NKAIN3: variants seen among roughly 807,000 people sequenced by gnomAD.
The protein encoded by NKAIN3 is sodium/potassium transporting ATPase interacting 3.
Under a neutral mutation model 30.2 loss-of-function variants are expected in NKAIN3, and 25 were observed. That is an observed-to-expected ratio of 0.83 (90% CI 0.60 to 1.16). The LOEUF (loss-of-function observed/expected upper bound fraction) is 1.16. NKAIN3 is among the 50% of genes most tolerant of loss of function. The pLI, the probability that NKAIN3 is intolerant of heterozygous loss-of-function variation, is 0.00. For missense variants in NKAIN3, 225 were observed against 254.1 expected (o/e 0.89, Z 0.78); for synonymous variants, 91 against 89.6 (o/e 1.02, Z -0.09).
chr8:62,693,260 T>C (rs1312625768), intron 3 of NKAIN3, among the ~76,000 whole-genome samples: 1 of 152,240 alleles, frequency 6.6e-6, no homozygotes, highest in Non-Finnish European at 1.5e-5. Flanking sequence ...TCAAGTCATA[T>C]ATAAGTAAAA....
chr8:62,604,167 T>A lies in NKAIN3; in HGVS notation c.273+14373T>A, dbSNP rs190931076. Among the ~76,000 whole-genome samples the A allele has an allele frequency of 2.8e-3, 424 of 152,124 alleles. 4 individuals are homozygous for A. The highest frequency in any genetic ancestry group is 9.3e-3 in the African/African-American group (385 of 41,516). On this transcript the variant is annotated intron_variant, in intron 3 of 6. Coordinates refer to ENST00000623646, the MANE Select transcript of NKAIN3 (RefSeq NM_001304533.3). The stretch of plus-strand genomic sequence containing the variant: ...AGTGAGAAAGTTACTAGAGTGAAGA[T>A]TGTCCAGAAGATGAGGCAGAACTGG...
chr8:62,988,969 A>G (rs971512656), downstream of NKAIN3, among the ~76,000 whole-genome samples: 7 of 152,152 alleles, frequency 4.6e-5, no homozygotes, highest in African/African-American at 1.7e-4. Flanking sequence ...TCAGTGTTCC[A>G]CAGATCTCTA....
intron 4 of NKAIN3, among the ~76,000 whole-genome samples, chr8:62,795,523 C>A (rs565336908): frequency 1.4e-4 from 21 of 152,230 alleles, no homozygotes; most frequent in Admixed American, 2.0e-4. Context: ...TAGATCCCAG[C>A]TCCAGAATTT....
intron 4 of NKAIN3, among the ~76,000 whole-genome samples, chr8:62,757,791 A>C (rs568785329): frequency 1.3e-5 from 2 of 152,358 alleles, no homozygotes; most frequent in Middle Eastern, 3.4e-3. Context: ...TATGAACAGA[A>C]GTAGTGGCTT....
intron 1 of NKAIN3, among the ~76,000 whole-genome samples, chr8:62,268,388 C>T (rs570086792): frequency 6.6e-6 from 1 of 152,246 alleles, no homozygotes; most frequent in Admixed American, 6.5e-5. Context: ...GGATCAATCC[C>T]TGTAAAATGG....
At chr8:62,993,468 A>G (rs1447262551) in intron 5 of NKAIN3, among the ~76,000 whole-genome samples, 1 of 152,232 alleles carries the variant, frequency 6.6e-6, no homozygotes, top group African/African-American at 2.4e-5. Context: ...TCCTCTGTGC[A>G]TGTTACAAAA....
At chr8:62,325,151 G>A (rs1815073677) in intron 1 of NKAIN3, among the ~76,000 whole-genome samples, 1 of 151,966 alleles carries the variant, frequency 6.6e-6, no homozygotes, top group South Asian at 2.1e-4. Context: ...TTCACCCTGA[G>A]TCCCCAAAGT....
In NKAIN3 at chr8:62,972,589, A is replaced by G. The variant is rs1304942165; in HGVS notation, c.*7182A>G. Among the ~76,000 whole-genome samples, 1 of 152,170 alleles carries G rather than the reference A, an allele frequency of 6.6e-6. No homozygotes were observed. Among genetic ancestry groups the G allele is most frequent in the African/African-American group, 2.4e-5 (1 of 41,446 alleles). On this transcript the variant is annotated 3_prime_UTR_variant, in exon 7 of 7. Coordinates refer to ENST00000623646, the MANE Select transcript of NKAIN3 (RefSeq NM_001304533.3). ...GTTGACATTTGTGAAGGCAGATTATACACATGAGACAGTGGTGAATAAATC... is the reference window on the plus strand; with the variant it reads ...GTTGACATTTGTGAAGGCAGATTATGCACATGAGACAGTGGTGAATAAATC...
At chr8:62,786,052 A>G (rs1817506583) in intron 4 of NKAIN3, among the ~76,000 whole-genome samples, 5 of 152,010 alleles carry the variant, frequency 3.3e-5, no homozygotes, top group Admixed American at 1.3e-4. Context: ...CCCTACTTCC[A>G]TACCACCACC....
intron 4 of NKAIN3, among the ~76,000 whole-genome samples, chr8:62,819,269 A>T (rs182989257): frequency 3.3e-5 from 5 of 151,642 alleles, no homozygotes; most frequent in Middle Eastern, 3.4e-3. Flanking sequence ...TGATATGATG[A>T]CTGGGACTTG....
chr8:62,753,839 A>G (rs1434463848), intron 4 of NKAIN3, among the ~76,000 whole-genome samples: 1 of 152,144 alleles, frequency 6.6e-6, no homozygotes, highest in African/African-American at 2.4e-5. Context: ...TATTTATAAC[A>G]GCAAATCTGG....
chr8:62,644,444 A>G (rs1184752296), intron 3 of NKAIN3, among the ~76,000 whole-genome samples: 1 of 151,880 alleles, frequency 6.6e-6, no homozygotes, highest in Non-Finnish European at 1.5e-5. Flanking sequence ...GTTTTTTTTA[A>G]GCCTTTCAAA....
intron 4 of NKAIN3, among the ~76,000 whole-genome samples, chr8:62,821,098 G>A (rs1021374573): frequency 1.3e-5 from 2 of 152,226 alleles, no homozygotes; most frequent in Admixed American, 6.5e-5. Context: ...TTTATAAAAT[G>A]ACAGTTGAGG....
chr8:62,746,072 G>T (rs931537956), intron 3 of NKAIN3, among the ~76,000 whole-genome samples: 17 of 152,208 alleles, frequency 1.1e-4, no homozygotes, highest in Admixed American at 7.2e-4. Flanking sequence ...CTGAAGGCCA[G>T]AAGTCTGAAA....
At chr8:62,316,425 C>G (rs964130028) in intron 1 of NKAIN3, among the ~76,000 whole-genome samples, 13 of 151,926 alleles carry the variant, frequency 8.6e-5, no homozygotes, top group South Asian at 2.1e-4. Context: ...TGCTATCCCC[C>G]CCCTCCTCCC....
At chr8:62,839,296 C>T (rs1466666770) in intron 4 of NKAIN3, among the ~76,000 whole-genome samples, 10 of 148,846 alleles carry the variant, frequency 6.7e-5, no homozygotes, top group Non-Finnish European at 1.2e-4. Context: ...AGAGGATTTG[C>T]CTACATTAAA....
chr8:62,392,274 C>T (rs1817605057), intron 1 of NKAIN3, among the ~76,000 whole-genome samples: 1 of 151,876 alleles, frequency 6.6e-6, no homozygotes, highest in South Asian at 2.1e-4. Flanking sequence ...AAACATGTAA[C>T]AAAGGGAAAT....
intron 1 of NKAIN3, among the ~76,000 whole-genome samples, chr8:62,551,529 G>T (rs1468372819): frequency 6.6e-6 from 1 of 152,186 alleles, no homozygotes; most frequent in Non-Finnish European, 1.5e-5. Flanking sequence ...TGTATTGTTT[G>T]TATGTTTGGT....
At chr8:62,354,122 T>C (rs1375516376) in intron 1 of NKAIN3, among the ~76,000 whole-genome samples, 1 of 152,190 alleles carries the variant, frequency 6.6e-6, no homozygotes, top group Admixed American at 6.5e-5. Context: ...CTCAAAGCTT[T>C]AGAGAAGTGA....
Sources: gnomAD v4.1 joint callset for allele counts (sites outside exome capture counted in the v4.1 genomes callset) on GRCh38, gnomAD v4.1.1 for gene constraint, MANE v1.5 for transcripts, NCBI Gene and HGNC (gene_info 2026-07-23, HGNC 2026-07-21) for gene names.